The following PAM variants were observed in gnomAD, a reference collection of about 807,000 sequenced individuals.
PAM encodes the protein peptidylglycine alpha-amidating monooxygenase, also known as peptidyl-glycine alpha-amidating monooxygenase.
A neutral mutation model predicts 122.1 loss-of-function variants in PAM; 72 were observed. The ratio of observed to expected loss-of-function variants is 0.59; its 90% CI spans 0.49 to 0.72. PAM has a LOEUF of 0.72. Among genes scored for constraint, PAM ranks in the 30% least tolerant of loss-of-function variants. The pLI, the probability that PAM is intolerant of heterozygous loss-of-function variation, is 0.00. For synonymous variants in PAM, 389 were observed against 404.4 expected, an observed-to-expected ratio of 0.96 and a Z score of 0.46; for missense variants, 1,106 against 1,183.7, an observed-to-expected ratio of 0.93 and a Z score of 0.96.
chr5:102,925,941 T>G (rs573218933), intron 6 of PAM, among the ~76,000 whole-genome samples: 9 of 152,360 alleles, frequency 5.9e-5, no homozygotes, highest in African/African-American at 2.2e-4. Context: ...ACTGGTTTCC[T>G]CAATGACATT....
chr5:103,006,511 C>T (rs1779021579), intron 18 of PAM, among the ~76,000 whole-genome samples: 1 of 152,128 alleles, frequency 6.6e-6, no homozygotes, highest in African/African-American at 2.4e-5. Flanking sequence ...AAAAAGGAAA[C>T]ATCAGGGTGG....
intron 1 of PAM, among the ~76,000 whole-genome samples, chr5:102,827,675 T>TA (rs1236281091): frequency 0.031 from 1,075 of 34,128 alleles, no homozygotes; most frequent in African/African-American, 0.045. Flanking sequence ...ATTTTTTTTT[T>TA]TTTTTTTTTT....
chr5:102,931,091 G>A (rs1172785278), intron 7 of PAM, among the ~76,000 whole-genome samples: 1 of 152,116 alleles, frequency 6.6e-6, no homozygotes, highest in Non-Finnish European at 1.5e-5. Flanking sequence ...AAGGTACCTG[G>A]TTAAGTAGTC....
Position 102,762,787 on chromosome 5 carries a change from G to T in PAM, c.-374+7439G>T, listed in dbSNP as rs146328017. 3.3e-5 allele frequency among the ~76,000 whole-genome samples: 5 copies of T among 152,266 alleles called. No individual in the cohort carries two copies. The East Asian group carries it at 7.7e-4, about 24-fold the overall frequency. ...CACATGAGTAACTTTAATCAGGAGCGAAGTGGTTCTTTCTATTATATGCCA... is the reference window on the plus strand; with the variant it reads ...CACATGAGTAACTTTAATCAGGAGCTAAGTGGTTCTTTCTATTATATGCCA... On this transcript the variant is annotated intron_variant, in intron 1 of 25. Transcript: ENST00000438793.
At chr5:102,982,454 G>A (rs1306394603) in intron 15 of PAM, among the ~76,000 whole-genome samples, 1 of 152,094 alleles carries the variant, frequency 6.6e-6, no homozygotes, top group East Asian at 1.9e-4. Context: ...ACTGATACCT[G>A]CCTACACCAC....
chr5:102,764,745 C>T (rs1753380802), intron 1 of PAM, among the ~76,000 whole-genome samples: 1 of 152,204 alleles, frequency 6.6e-6, no homozygotes, highest in Non-Finnish European at 1.5e-5. Context: ...AACACAGCTA[C>T]TAGAACAGCT....
At chr5:102,782,397 A>G (rs1759216624) in intron 1 of PAM, among the ~76,000 whole-genome samples, 1 of 152,200 alleles carries the variant, frequency 6.6e-6, no homozygotes, top group Admixed American at 6.5e-5. Flanking sequence ...AGGAGAGAAG[A>G]TTTTGAAATC....
chr5:102,827,405 C>T (rs1269075594), intron 1 of PAM, among the ~76,000 whole-genome samples: 2 of 150,482 alleles, frequency 1.3e-5, no homozygotes, highest in African/African-American at 4.9e-5. Context: ...TGCTGAGCCA[C>T]TATGATCCTA....
chr5:103,010,339 T>C (rs906992770), intron 21 of PAM, among the ~76,000 whole-genome samples: 1 of 152,214 alleles, frequency 6.6e-6, no homozygotes, highest in Non-Finnish European at 1.5e-5. Flanking sequence ...TTCCTGGAAT[T>C]TATTCAAGTT....
rs141935708 is a variant in PAM, at chr5:102,930,544, G to C, written c.526+3876G>C. On this transcript the variant is annotated intron_variant, in intron 7 of 25. Coordinates refer to ENST00000438793, the MANE Select transcript of PAM (RefSeq NM_001177306.2). The stretch of plus-strand genomic sequence containing the variant: ...GAACTTTGGGTCATCTGACGTTGCT[G>C]GAATGTGAAATGCATAGGGAAAAGT... Among the ~76,000 whole-genome samples, 62 of 152,264 alleles carry C rather than the reference G, an allele frequency of 4.1e-4. No homozygotes were observed. In the East Asian group the frequency reaches 0.01, roughly 25 times the overall value.
At chr5:102,859,053 A>G (rs79775571) in intron 1 of PAM, among the ~76,000 whole-genome samples, 3,223 of 151,912 alleles carry the variant, frequency 0.021, 53 homozygotes, top group African/African-American at 0.051. Flanking sequence ...ATGATTGTGT[A>G]TAGTACGTAA....
intron 4 of PAM, among the ~76,000 whole-genome samples, chr5:102,910,365 T>C (rs17154825): frequency 0.27 from 40,777 of 151,792 alleles, 5,870 homozygotes; most frequent in East Asian, 0.43. Context: ...TCAGACGACA[T>C]TATCCTTTGA....
chr5:102,886,903 C>T (rs1793287603), intron 3 of PAM, among the ~76,000 whole-genome samples: 1 of 150,516 alleles, frequency 6.6e-6, no homozygotes, highest in Non-Finnish European at 1.5e-5. Context: ...ATTAACTGAT[C>T]TCCCTTGAAT....
rs529852866 is a variant in PAM at position 102,968,794 on chromosome 5, G to A, written c.1163-5322G>A. 8.5e-5 allele frequency among the ~76,000 whole-genome samples: 13 copies of A among 152,154 alleles called. 1 individual carries two copies. The highest frequency in any genetic ancestry group is 2.6e-4 in the African/African-American group (11 of 41,514). Reference sequence around the variant, plus strand: ...ACTGTAAAGACACATGCACACATGCGTTTATTGCAGCACTATTCCCAATAG... The same window carrying A: ...ACTGTAAAGACACATGCACACATGCATTTATTGCAGCACTATTCCCAATAG... On this transcript the variant is annotated intron_variant, in intron 14 of 25. Transcript: ENST00000438793.
chr5:103,014,766 G>A (rs1041740621), intron 21 of PAM, among the ~76,000 whole-genome samples: 1 of 152,142 alleles, frequency 6.6e-6, no homozygotes, highest in South Asian at 2.1e-4. Flanking sequence ...AGCTTAGACA[G>A]TAGGACAATA....
chr5:102,986,994 A>C (rs1446467067), intron 15 of PAM, among the ~76,000 whole-genome samples: 1 of 152,198 alleles, frequency 6.6e-6, no homozygotes, highest in Non-Finnish European at 1.5e-5. Context: ...CTTTATCAGC[A>C]GTGTGAAAAC....
intron 15 of PAM, among the ~76,000 whole-genome samples, chr5:102,980,134 C>G (rs1175549887): frequency 6.6e-6 from 1 of 152,038 alleles, no homozygotes; most frequent in Non-Finnish European, 1.5e-5. Context: ...AACAAGCAAT[C>G]AAGCTTGAAA....
intron 1 of PAM, chr5:102,838,255 TAATAATACC>T (rs1310386197): frequency 6.6e-6 from 1 of 152,170 alleles, no homozygotes; most frequent in Non-Finnish European, 1.5e-5. Flanking sequence ...TCATCATTTT[TAATAATACC>T]AATCTTAAAG....
chr5:102,885,175 G>T (rs1275621166), intron 3 of PAM, among the ~76,000 whole-genome samples: 1 of 151,040 alleles, frequency 6.6e-6, no homozygotes. Flanking sequence ...AACAAAAACT[G>T]CCATCAAAGT....
Sources: allele counts gnomAD v4.1 joint callset (sites outside exome capture counted in the v4.1 genomes callset), GRCh38; gene constraint gnomAD v4.1.1; transcripts MANE v1.5; gene names NCBI Gene and HGNC (gene_info 2026-07-23, HGNC 2026-07-21).